Variants in SLC22A3 observed in about 807,000 individuals in gnomAD.
SLC22A3 encodes the protein solute carrier family 22 member 3.
SLC22A3 carries 51 observed loss-of-function variants against 59.1 expected under a neutral mutation model. The ratio of observed to expected loss-of-function variants is 0.86; its 90% CI spans 0.69 to 1.09. The LOEUF is 1.09. SLC22A3 is among the 50% of genes least tolerant of loss of function. The pLI is 0.00. For synonymous variants in SLC22A3, 325 were observed against 292.0 expected (o/e 1.11, Z -1.15); for missense variants, 711 against 726.3 (o/e 0.98, Z 0.24).
At chr6:160,358,171 A>C (rs1685459313) in intron 1 of SLC22A3, among the ~76,000 whole-genome samples, 1 of 152,236 alleles carries the variant, frequency 6.6e-6, no homozygotes, top group South Asian at 2.1e-4. Context: ...TAAGGCAAAT[A>C]GGTGGCTAAG....
At chr6:160,395,944 G>A (rs560507677) in intron 1 of SLC22A3, among the ~76,000 whole-genome samples, 2 of 152,198 alleles carry the variant, frequency 1.3e-5, no homozygotes, top group African/African-American at 2.4e-5. Flanking sequence ...AGAGTCTAAT[G>A]CAGTGGTTAG....
At chr6:160,362,042 C>T (rs559173641) in intron 1 of SLC22A3, among the ~76,000 whole-genome samples, 1 of 152,276 alleles carries the variant, frequency 6.6e-6, no homozygotes, top group Non-Finnish European at 1.5e-5. Flanking sequence ...ACTGCAGATA[C>T]CTTGATCCCC....
At chr6:160,388,326 GT>G (rs1786105349) in intron 1 of SLC22A3, among the ~76,000 whole-genome samples, 2 of 152,152 alleles carry the variant, frequency 1.3e-5, no homozygotes, top group Admixed American at 1.3e-4. Flanking sequence ...AATACATTAT[GT>G]TGTGGTTCTC....
intron 1 of SLC22A3, among the ~76,000 whole-genome samples, chr6:160,349,314 C>T (rs901898833): frequency 4.6e-5 from 7 of 152,130 alleles, no homozygotes; most frequent in Non-Finnish European, 1.0e-4. Flanking sequence ...GGCGAACCAA[C>T]GTTTGAAGGC....
intron 7 of SLC22A3, among the ~76,000 whole-genome samples, chr6:160,438,712 G>A (rs1369451070): frequency 7.2e-5 from 11 of 151,914 alleles, no homozygotes; most frequent in East Asian, 3.9e-4. Flanking sequence ...GAGTGCATTC[G>A]CTTCCCAGGG....
intron 1 of SLC22A3, among the ~76,000 whole-genome samples, chr6:160,393,410 G>A (rs1455923982): frequency 6.6e-6 from 1 of 151,456 alleles, no homozygotes; most frequent in African/African-American, 2.4e-5. Context: ...TTTAGCATTA[G>A]GTATATCTCC....
intron 1 of SLC22A3, among the ~76,000 whole-genome samples, chr6:160,394,609 G>A (rs1327566439): frequency 6.6e-6 from 1 of 152,196 alleles, no homozygotes; most frequent in Non-Finnish European, 1.5e-5. Flanking sequence ...TTTGTTTGTT[G>A]CTTTATTTTC....
intron 10 of SLC22A3, among the ~76,000 whole-genome samples, chr6:160,449,045 G>A (rs1788852696): frequency 6.6e-6 from 1 of 152,088 alleles, no homozygotes; most frequent in African/African-American, 2.4e-5. Flanking sequence ...TCCACTGACT[G>A]CCTTCTGTTT....
chr6:160,378,300 C>A (rs1785670344), intron 1 of SLC22A3, among the ~76,000 whole-genome samples: 1 of 152,176 alleles, frequency 6.6e-6, no homozygotes, highest in African/African-American at 2.4e-5. Context: ...GGCTAGTTTT[C>A]ATATTCTGGA....
At chr6:160,397,243 C>T (rs752694413) in intron 1 of SLC22A3, among the ~76,000 whole-genome samples, 6 of 152,016 alleles carry the variant, frequency 3.9e-5, no homozygotes, top group African/African-American at 9.7e-5. Flanking sequence ...AGATTTCATG[C>T]GCCGCCCACA....
At chr6:160,389,982 G>A (rs1786184653) in intron 1 of SLC22A3, among the ~76,000 whole-genome samples, 2 of 152,238 alleles carry the variant, frequency 1.3e-5, no homozygotes, top group South Asian at 4.1e-4. Flanking sequence ...TTAAATCAAT[G>A]CAGTGACTCA....
chr6:160,379,173 C>T (rs898048870), intron 1 of SLC22A3, among the ~76,000 whole-genome samples: 1 of 152,188 alleles, frequency 6.6e-6, no homozygotes, highest in African/African-American at 2.4e-5. Flanking sequence ...AGAGTTGTCC[C>T]TATTTTTCCT....
chr6:160,416,677 T>A (rs1300345807), intron 5 of SLC22A3, among the ~76,000 whole-genome samples: 2 of 152,178 alleles, frequency 1.3e-5, no homozygotes, highest in African/African-American at 4.8e-5. Context: ...AAATGTGAAA[T>A]TTTTCTTTGG....
chr6:160,439,915 G>A (rs1206163684), intron 7 of SLC22A3, among the ~76,000 whole-genome samples: 1 of 152,116 alleles, frequency 6.6e-6, no homozygotes, highest in African/African-American at 2.4e-5. Flanking sequence ...TAATTAGCAC[G>A]AGAAAGGCTT....
At chr6:160,365,834 G>A (rs1785185144) in intron 1 of SLC22A3, among the ~76,000 whole-genome samples, 1 of 152,078 alleles carries the variant, frequency 6.6e-6, no homozygotes, top group Admixed American at 6.5e-5. Flanking sequence ...GGAAGCTTAC[G>A]ATCACGGTGG....
intron 7 of SLC22A3, among the ~76,000 whole-genome samples, chr6:160,440,054 G>A (rs1013291205): frequency 1.3e-5 from 2 of 152,146 alleles, no homozygotes; most frequent in South Asian, 2.1e-4. Flanking sequence ...CCCTCCACTC[G>A]ACCCAACTTT....
chr6:160,407,233 TAGGGCC>T (rs1231047968), intron 3 of SLC22A3, 38 bp downstream of exon 3: 1 of 1,551,240 alleles, frequency 6.4e-7, no homozygotes, highest in Admixed American at 2.0e-5. Context: ...ATTTGGAAAC[TAGGGCC>T]AGATAGCCAA....
At position 160,348,478 on chromosome 6, in the gene SLC22A3, G is replaced by A; in HGVS notation, c.59G>A (p.Arg20His). 1.3e-6 allele frequency: 2 copies of A among 1,550,182 alleles called. No homozygotes were observed. The highest frequency in any genetic ancestry group is 1.7e-6 in the Non-Finnish European group (2 of 1,153,774). ...RVGEFGRFQR[R>H]VFLLLCLTGV... ...GGCGAGTTCGGGCGCTTCCAGAGGC[G>A]CGTGTTTTTGCTGCTGTGCCTGACG... Residue 20 changes from arginine (R) to histidine (H), a missense_variant, in exon 1 of 11, where the codon CGC (arginine) becomes CAC (histidine). By Grantham distance (29) the Arg-to-His change is conservative (BLOSUM62 0). Transcript: ENST00000275300.
chr6:160,375,705 A>G (rs2114783294), intron 1 of SLC22A3, among the ~76,000 whole-genome samples: 1 of 152,322 alleles, frequency 6.6e-6, no homozygotes, highest in Non-Finnish European at 1.5e-5. Context: ...AGTCTTGCAT[A>G]TTTCCTGCAC....
Sources: allele counts gnomAD v4.1 joint callset (sites outside exome capture counted in the v4.1 genomes callset), GRCh38; gene constraint gnomAD v4.1.1; transcripts MANE v1.5; gene names NCBI Gene and HGNC (gene_info 2026-07-23, HGNC 2026-07-21).